Variants in ZNRF3 observed in about 807,000 individuals in gnomAD.
ZNRF3 encodes the protein zinc and ring finger 3, also known as E3 ubiquitin-protein ligase ZNRF3.
Under a neutral mutation model 72.5 loss-of-function variants are expected in ZNRF3, and 23 were observed. The ratio of observed to expected loss-of-function variants is 0.32; its 90% CI spans 0.23 to 0.45. The LOEUF (loss-of-function observed/expected upper bound fraction) is 0.45, where lower values mean the gene tolerates loss of function less well. Ranked by LOEUF, ZNRF3 falls within the 20% of genes least tolerant of loss-of-function variation. The pLI is 1.00. For missense variants in ZNRF3, 1,169 were observed against 1,272.1 expected, an observed-to-expected ratio of 0.92 and a Z score of 1.23; for synonymous variants, 610 against 545.3, an observed-to-expected ratio of 1.12 and a Z score of -1.65.
In ZNRF3 at chr22:29,056,281, G is replaced by A. The variant is rs980080776; in HGVS notation, c.*2659G>A. 6.6e-6 allele frequency: 1 copy of A among 152,082 alleles called. No individual in the cohort carries two copies. Among genetic ancestry groups the A allele is most frequent in the Admixed American group, 6.5e-5 (1 of 15,276 alleles). The allele number at this position is 152,082 out of a possible 1,614,324, so 9.4% of individuals were successfully genotyped here. A position where few individuals can be genotyped will look rare whatever the true frequency, so the allele number is the denominator to read the frequency against. ...CACACCCAGCTAATTTTGTATTTTT[G>A]GTAGAGACAGGGTATCTCCATGTTG... On this transcript the variant is annotated 3_prime_UTR_variant, in exon 9 of 9. Transcript: ENST00000544604.
At chr22:28,911,483 A>G (rs1435894356) in intron 1 of ZNRF3, among the ~76,000 whole-genome samples, 2 of 152,226 alleles carry the variant, frequency 1.3e-5, no homozygotes, top group African/African-American at 4.8e-5. Context: ...TCTTGAGAAC[A>G]GTCTGGAATG....
intron 2 of ZNRF3, among the ~76,000 whole-genome samples, chr22:28,999,140 A>G (rs2036097611): frequency 6.7e-6 from 1 of 149,620 alleles, no homozygotes; most frequent in Admixed American, 6.6e-5. Flanking sequence ...CAACATGGTG[A>G]AACCTCATCT....
chr22:28,949,174 C>T (rs1214036165), intron 1 of ZNRF3, among the ~76,000 whole-genome samples: 2 of 152,186 alleles, frequency 1.3e-5, no homozygotes, highest in East Asian at 3.9e-4. Context: ...AGACGGGTTT[C>T]ACCATGTTGG....
chr22:28,951,750 AGGGT>A (rs2123795381), intron 1 of ZNRF3, among the ~76,000 whole-genome samples: 1 of 152,292 alleles, frequency 6.6e-6, no homozygotes, highest in East Asian at 1.9e-4. Flanking sequence ...CTGGTCTCCC[AGGGT>A]GACCTGTGCG....
intron 1 of ZNRF3, among the ~76,000 whole-genome samples, chr22:28,895,631 C>A (rs1412087037): frequency 6.6e-6 from 1 of 152,130 alleles, no homozygotes; most frequent in Non-Finnish European, 1.5e-5. Context: ...TGCGCCACTG[C>A]ACTCCAGCCT....
At position 28,976,820 on chromosome 22, in the gene ZNRF3, A is replaced by G. The variant is rs147927730; in HGVS notation, c.301-10256A>G. ...AATGAATTTAGAATTAATTTAGCTT[A>G]AGGTTTCTATAGTCTACTGGATACT... is the stretch of plus-strand genomic sequence containing the variant. On this transcript the variant is annotated intron_variant, in intron 1 of 8. Transcript: ENST00000544604. 2.9e-3 allele frequency among the ~76,000 whole-genome samples: 442 copies of G among 152,282 alleles called. 5 individuals carry two copies. Among genetic ancestry groups the G allele is most frequent in the African/African-American group, 9.5e-3 (393 of 41,552 alleles).
intron 4 of ZNRF3, 33 bp downstream of exon 4, chr22:29,043,463 G>T (rs768509250): frequency 6.2e-7 from 1 of 1,609,938 alleles, no homozygotes; most frequent in Admixed American, 1.7e-5. Flanking sequence ...ACAGGCTCGG[G>T]GCCTTCTCTG....
At chr22:28,929,419 C>T (rs2034666440) in intron 1 of ZNRF3, among the ~76,000 whole-genome samples, 1 of 152,176 alleles carries the variant, frequency 6.6e-6, no homozygotes, top group African/African-American at 2.4e-5. Context: ...CACAGGACGC[C>T]AGTAGCAAAA....
chr22:28,982,433 C>CAA (rs61589852), intron 1 of ZNRF3, among the ~76,000 whole-genome samples: 1,049 of 76,180 alleles, frequency 0.014, 29 homozygotes, highest in African/African-American at 0.033. Context: ...CCTGTCTCTA[C>CAA]AAAAAAAAAA....
chr22:28,992,136 G>C (rs1021085850), intron 2 of ZNRF3, among the ~76,000 whole-genome samples: 1 of 151,980 alleles, frequency 6.6e-6, no homozygotes, highest in Non-Finnish European at 1.5e-5. Flanking sequence ...CTGGGATATA[G>C]AGTGAGACCC....
chr22:28,968,543 C>G (rs1033856568), intron 1 of ZNRF3, among the ~76,000 whole-genome samples: 1 of 152,112 alleles, frequency 6.6e-6, no homozygotes, highest in Non-Finnish European at 1.5e-5. Context: ...AACCCTGTCT[C>G]TACTAAAAAT....
intron 1 of ZNRF3, among the ~76,000 whole-genome samples, chr22:28,942,635 GATTCTT>G (rs1405322609): frequency 6.6e-6 from 1 of 152,210 alleles, no homozygotes; most frequent in African/African-American, 2.4e-5. Flanking sequence ...AATCCTGTAT[GATTCTT>G]AGGGGTCCGT....
At position 28,981,922 on chromosome 22, in the gene ZNRF3, G is replaced by A. The variant is rs548729795; in HGVS notation, c.301-5154G>A. Among the ~76,000 whole-genome samples, 26 of 152,216 alleles carry A rather than the reference G, an allele frequency of 1.7e-4. No individual in the cohort carries two copies. In the South Asian group the frequency reaches 4.8e-3, roughly 28 times the overall value. ...TGAGGCAAGAGAATTGCTTGAACCCGGGAAGCAGAGGTTGCAGTGAGCCGA... is the reference window on the plus strand; with the variant it reads ...TGAGGCAAGAGAATTGCTTGAACCCAGGAAGCAGAGGTTGCAGTGAGCCGA... On this transcript the variant is annotated intron_variant, in intron 1 of 8. Transcript: ENST00000544604.
chr22:29,009,179 G>A (rs2036307502), intron 2 of ZNRF3, among the ~76,000 whole-genome samples: 1 of 152,096 alleles, frequency 6.6e-6, no homozygotes, highest in Admixed American at 6.6e-5. Context: ...CTGTCAGCAG[G>A]GACGGCTTCA....
intron 3 of ZNRF3, among the ~76,000 whole-genome samples, chr22:29,042,846 C>G (rs2036991549): frequency 6.6e-6 from 1 of 151,746 alleles, no homozygotes; most frequent in Non-Finnish European, 1.5e-5. Context: ...GCAATTTCAG[C>G]TCACTGCAAT....
intron 1 of ZNRF3, among the ~76,000 whole-genome samples, chr22:28,970,257 A>C (rs1484818803): frequency 6.6e-6 from 1 of 152,234 alleles, no homozygotes; most frequent in Non-Finnish European, 1.5e-5. Context: ...GCAAATAAAC[A>C]CATGAAAAGT....
intron 1 of ZNRF3, among the ~76,000 whole-genome samples, chr22:28,910,965 C>T (rs1488866985): frequency 2.0e-5 from 3 of 151,994 alleles, no homozygotes; most frequent in Non-Finnish European, 2.9e-5. Context: ...CATGGCAGGG[C>T]GGGGAGAAAG....
intron 1 of ZNRF3, among the ~76,000 whole-genome samples, chr22:28,899,080 C>G (rs2034057390): frequency 6.6e-6 from 1 of 151,914 alleles, no homozygotes; most frequent in African/African-American, 2.4e-5. Flanking sequence ...CATGTTCACT[C>G]CAGAAATGCT....
At chr22:28,887,837 G>A (rs1411726398) in intron 1 of ZNRF3, among the ~76,000 whole-genome samples, 1 of 152,190 alleles carries the variant, frequency 6.6e-6, no homozygotes, top group Non-Finnish European at 1.5e-5. Flanking sequence ...AGACTTGGCT[G>A]TGCAACTCAC....
Sources: gnomAD v4.1 joint callset for allele counts (sites outside exome capture counted in the v4.1 genomes callset) on GRCh38, gnomAD v4.1.1 for gene constraint, MANE v1.5 for transcripts, NCBI Gene and HGNC (gene_info 2026-07-23, HGNC 2026-07-21) for gene names.